Variants in CAMK2D observed in about 807,000 individuals in gnomAD.
CAMK2D encodes the protein calcium/calmodulin dependent protein kinase II delta.
Under a neutral mutation model 84.0 loss-of-function variants are expected in CAMK2D, and 37 were observed. That is an observed-to-expected ratio of 0.44 (90% CI 0.34 to 0.58). The LOEUF (loss-of-function observed/expected upper bound fraction) is 0.58, where lower values mean the gene tolerates loss of function less well. Among genes scored for constraint, CAMK2D ranks in the 20% least tolerant of loss-of-function variants. The pLI is 0.02. For synonymous variants in CAMK2D, 202 were observed against 212.5 expected (o/e 0.95, Z 0.43); for missense variants, 448 against 652.5 (o/e 0.69, Z 3.41).
intron 4 of CAMK2D, among the ~76,000 whole-genome samples, chr4:113,595,930 T>C (rs913250275): frequency 1.3e-5 from 2 of 152,210 alleles, no homozygotes; most frequent in Non-Finnish European, 2.9e-5. Flanking sequence ...TTGCTGCATA[T>C]TGATTGACTT....
chr4:113,558,702 T>C (rs7657594), intron 4 of CAMK2D, among the ~76,000 whole-genome samples: 2,344 of 152,262 alleles, frequency 0.015, 27 homozygotes, highest in Non-Finnish European at 0.023. Context: ...ATATATGTAA[T>C]TTCACTTATA....
At chr4:113,493,675 T>G (rs2097879995) in intron 16 of CAMK2D, among the ~76,000 whole-genome samples, 1 of 151,882 alleles carries the variant, frequency 6.6e-6, no homozygotes, top group Non-Finnish European at 1.5e-5. Flanking sequence ...ATTTCCTGAA[T>G]CTGAACGTTG....
intron 4 of CAMK2D, among the ~76,000 whole-genome samples, chr4:113,574,091 T>C (rs1368553043): frequency 6.6e-6 from 1 of 152,190 alleles, no homozygotes; most frequent in Non-Finnish European, 1.5e-5. Context: ...CCAATCACGC[T>C]AAATCCTTAG....
chr4:113,552,854 T>C (rs1203257914), intron 4 of CAMK2D, among the ~76,000 whole-genome samples: 1 of 152,182 alleles, frequency 6.6e-6, no homozygotes. Flanking sequence ...CCTTCCAAAA[T>C]GGTTGCACCC....
Position 113,761,150 on chromosome 4 carries a change from G to C in CAMK2D, c.-82C>G. 1.9e-6 allele frequency: 3 copies of C among 1,605,704 alleles called. No individual in the cohort carries two copies. Among genetic ancestry groups the C allele is most frequent in the Non-Finnish European group, 1.7e-6 (2 of 1,178,974 alleles). ...CGCGGCTAACCCCGGGACTGGCCCCGCGGCGCTGTCACCCAGGGCCGCTCT... is the reference window on the plus strand; with the variant it reads ...CGCGGCTAACCCCGGGACTGGCCCCCCGGCGCTGTCACCCAGGGCCGCTCT... On this transcript the variant is annotated 5_prime_UTR_variant, in exon 1 of 21. Transcript: ENST00000511664.
At chr4:113,632,654 G>A (rs2099094752) in intron 3 of CAMK2D, among the ~76,000 whole-genome samples, 1 of 152,124 alleles carries the variant, frequency 6.6e-6, no homozygotes, top group Non-Finnish European at 1.5e-5. Context: ...AGGAGGCAGA[G>A]AGAGCTAATA....
intron 3 of CAMK2D, among the ~76,000 whole-genome samples, chr4:113,622,075 A>G (rs1484552253): frequency 6.6e-6 from 1 of 152,194 alleles, no homozygotes; most frequent in African/African-American, 2.4e-5. Context: ...AAGTTTAACA[A>G]ATTGTTTAAC....
At chr4:113,655,041 T>C (rs1173135105) in intron 3 of CAMK2D, among the ~76,000 whole-genome samples, 1 of 152,064 alleles carries the variant, frequency 6.6e-6, no homozygotes, top group Admixed American at 6.6e-5. Context: ...CTCAACTGTT[T>C]ATTTAAATTA....
chr4:113,615,409 A>C (rs1199269105), intron 3 of CAMK2D, among the ~76,000 whole-genome samples: 1 of 152,118 alleles, frequency 6.6e-6, no homozygotes, highest in African/African-American at 2.4e-5. Flanking sequence ...ATTTCAGCTC[A>C]ACCATTATTC....
In CAMK2D at chr4:113,642,058, C is replaced by A. The variant is rs2099134482; in HGVS notation, c.220+19655G>T. ...AATAATAAACAATAAATAAATAAAA[C>A]AAGCAAACAAAAAATTAAAAAGTGG... On this transcript the variant is annotated intron_variant, in intron 3 of 20. Transcript: ENST00000511664. Among the ~76,000 whole-genome samples the A allele has an allele frequency of 3.3e-5, 5 of 151,856 alleles. No homozygotes were observed. In the South Asian group the frequency reaches 1.0e-3, roughly 32 times the overall value.
At chr4:113,533,795 A>G in intron 7 of CAMK2D, among the ~76,000 whole-genome samples, 1 of 151,916 alleles carries the variant, frequency 6.6e-6, no homozygotes, top group South Asian at 2.1e-4. Context: ...GTATAGTGAC[A>G]GGGTGTTTAC....
intron 6 of CAMK2D, among the ~76,000 whole-genome samples, chr4:113,543,916 C>G (rs1243669176): frequency 2.0e-5 from 3 of 151,960 alleles, no homozygotes; most frequent in East Asian, 1.9e-4. Context: ...CTCAGCCTCC[C>G]GAGTAGCTGG....
chr4:113,728,397 A>C (rs2099552508), intron 2 of CAMK2D, among the ~76,000 whole-genome samples: 1 of 152,174 alleles, frequency 6.6e-6, no homozygotes, highest in Admixed American at 6.5e-5. Flanking sequence ...ATGAAGTCCA[A>C]GAAAAGGCAA....
chr4:113,596,788 G>GTAGATTTAGCATCTATCT, intron 4 of CAMK2D, among the ~76,000 whole-genome samples: 1 of 151,794 alleles, frequency 6.6e-6, no homozygotes, highest in East Asian at 1.9e-4. Context: ...TACAGGCAGA[G>GTAGATTTAGCATCTATCT]TAGATTTAGC....
At chr4:113,686,908 A>T (rs1170641565) in intron 2 of CAMK2D, among the ~76,000 whole-genome samples, 1 of 151,984 alleles carries the variant, frequency 6.6e-6, no homozygotes, top group Non-Finnish European at 1.5e-5. Context: ...CAAGTTGCTC[A>T]ATTTTAAAAT....
rs1452566047 is a variant in CAMK2D, at chr4:113,462,280, GTGTGTGTGTGTGTGTCTGTC to G, written c.1212-2059_1212-2040del. ...TATATTTGGAAATGTGTGTGTGTGTGTGTGTGTGTGTGTGTCTGTCTGTCTGTCTGTCTGTCTGTCTGTCT... is the reference window on the plus strand; with the variant it reads ...TATATTTGGAAATGTGTGTGTGTGTGTGTCTGTCTGTCTGTCTGTCTGTCT... On this transcript the variant is annotated intron_variant, in intron 17 of 20. Coordinates refer to ENST00000511664, the MANE Select transcript of CAMK2D (RefSeq NM_001321571.2). Among the ~76,000 whole-genome samples the G allele has an allele frequency of 6.4e-3, 562 of 87,834 alleles. 5 individuals carry two copies. The highest frequency in any genetic ancestry group is 0.012 in the African/African-American group (299 of 24,790). 57.6% of individuals were successfully genotyped at this position (87,834 alleles called of 152,430 possible).
intron 4 of CAMK2D, among the ~76,000 whole-genome samples, chr4:113,594,514 G>A (rs2098914749): frequency 6.6e-6 from 1 of 152,136 alleles, no homozygotes; most frequent in Admixed American, 6.5e-5. Context: ...GGGCTTTAAT[G>A]GAAAAAATAA....
At chr4:113,544,291 G>A (rs935224007) in intron 6 of CAMK2D, among the ~76,000 whole-genome samples, 1 of 152,082 alleles carries the variant, frequency 6.6e-6, no homozygotes, top group Non-Finnish European at 1.5e-5. Context: ...CCATAGGCAG[G>A]ACTATTTTAA....
chr4:113,606,791 A>G (rs921350347), intron 4 of CAMK2D, among the ~76,000 whole-genome samples: 4 of 152,186 alleles, frequency 2.6e-5, no homozygotes, highest in Admixed American at 6.5e-5. Context: ...GTGAGCTCCA[A>G]ATAAGTAAAC....
Sources: allele counts gnomAD v4.1 joint callset (sites outside exome capture counted in the v4.1 genomes callset), GRCh38; gene constraint gnomAD v4.1.1; transcripts MANE v1.5; gene names NCBI Gene and HGNC (gene_info 2026-07-23, HGNC 2026-07-21).